DLG1: variants seen among roughly 807,000 people sequenced by gnomAD.
DLG1 encodes the protein discs large MAGUK scaffold protein 1.
In DLG1, 42 loss-of-function variants were observed where a neutral mutation model predicts 123.4. The ratio of observed to expected loss-of-function variants is 0.34; its 90% CI spans 0.27 to 0.44. DLG1 has a LOEUF of 0.44. Among genes scored for constraint, DLG1 ranks in the 20% least tolerant of loss-of-function variants. The probability of loss-of-function intolerance (pLI) is 1.00; values close to 1 mark genes in which losing one functional copy is unlikely to be tolerated. For synonymous variants in DLG1, 317 were observed against 356.2 expected (o/e 0.89, Z 1.24); for missense variants, 942 against 1,082.6 (o/e 0.87, Z 1.82).
chr3:197,086,957 C>T lies in DLG1; in HGVS notation c.1662-1201G>A, dbSNP rs185469225. Among the ~76,000 whole-genome samples, 6 of 152,148 alleles carry T rather than the reference C, an allele frequency of 3.9e-5. No homozygotes were observed. In the East Asian group the frequency reaches 9.6e-4, roughly 24 times the overall value. On this transcript the variant is annotated intron_variant, in intron 15 of 24. Transcript: ENST00000667157. ...GGAAATCACCCACAATCTCTACTTA[C>T]GTTAGCATTTTAACATTCTCTTTTA...
chr3:197,249,934 T>C (rs1309294820), intron 4 of DLG1, among the ~76,000 whole-genome samples: 1 of 152,150 alleles, frequency 6.6e-6, no homozygotes, highest in African/African-American at 2.4e-5. Flanking sequence ...GGGCCATATA[T>C]AATAAACCCA....
intron 5 of DLG1, among the ~76,000 whole-genome samples, chr3:197,152,102 T>C (rs542107597): frequency 1.8e-4 from 28 of 152,328 alleles, no homozygotes; most frequent in African/African-American, 6.5e-4. Flanking sequence ...TTTTCTTTTA[T>C]ATTACTTCTC....
chr3:197,114,789 T>C (rs1414976422), intron 13 of DLG1, among the ~76,000 whole-genome samples: 1 of 152,074 alleles, frequency 6.6e-6, no homozygotes, highest in Admixed American at 6.5e-5. Context: ...GAGACCATCC[T>C]GGTTAACAAG....
chr3:197,155,693 C>A (rs541790752), intron 5 of DLG1, among the ~76,000 whole-genome samples: 1 of 151,950 alleles, frequency 6.6e-6, no homozygotes, highest in Non-Finnish European at 1.5e-5. Context: ...CTTCAGGTGG[C>A]CGAGGCAGGC....
chr3:197,285,045 A>AAAAAAAAAAAC (rs1560155797), intron 3 of DLG1, among the ~76,000 whole-genome samples: 1 of 148,054 alleles, frequency 6.8e-6, no homozygotes, highest in Non-Finnish European at 1.5e-5. Context: ...AAAAAAAAAA[A>AAAAAAAAAAAC]AACTGGAAAT....
intron 24 of DLG1, among the ~76,000 whole-genome samples, chr3:197,050,396 A>C (rs200318550): frequency 1.3e-4 from 20 of 152,022 alleles, no homozygotes; most frequent in South Asian, 4.2e-4. Context: ...AAAAACCCCC[A>C]AAAAAACCCA....
At chr3:197,214,605 A>C (rs1268423938) in intron 4 of DLG1, among the ~76,000 whole-genome samples, 1 of 152,164 alleles carries the variant, frequency 6.6e-6, no homozygotes, top group Non-Finnish European at 1.5e-5. Context: ...GAAACAAAAA[A>C]GACTAATAAA....
At chr3:197,059,091 A>C (rs975745941) in intron 23 of DLG1, among the ~76,000 whole-genome samples, 1 of 151,992 alleles carries the variant, frequency 6.6e-6, no homozygotes, top group Admixed American at 6.6e-5. Flanking sequence ...ACGCCCGGCT[A>C]ATTTTCTGTA....
In DLG1 at chr3:197,154,194, TG is replaced by T. The variant is rs566529023; in HGVS notation, c.484-4399del. Among the ~76,000 whole-genome samples the T allele has an allele frequency of 4.2e-4, 63 of 150,210 alleles. 1 individual carries two copies. The South Asian group carries it at 1.0e-2, about 24-fold the overall frequency. On this transcript the variant is annotated intron_variant, in intron 5 of 24. Transcript: ENST00000667157. ...GCAGGTGCCTATAATCCCAGCTACT[TG>T]GAAGGCTGAGGCAGAAGAATCACTT... is the stretch of plus-strand genomic sequence containing the variant.
At chr3:197,152,419 C>CTTTTT (rs768327685) in intron 5 of DLG1, among the ~76,000 whole-genome samples, 58 of 94,688 alleles carry the variant, frequency 6.1e-4, no homozygotes, top group Non-Finnish European at 9.1e-4. Flanking sequence ...ATCCCAAAGT[C>CTTTTT]TTTTTTTTTT....
chr3:197,143,441 A>T (rs1046784970), intron 6 of DLG1, among the ~76,000 whole-genome samples: 17 of 152,006 alleles, frequency 1.1e-4, no homozygotes, highest in African/African-American at 3.9e-4. Context: ...TATTTTTAGT[A>T]GAGATGGGGT....
chr3:197,161,345 A>G (rs1319507036), intron 5 of DLG1, among the ~76,000 whole-genome samples: 1 of 152,224 alleles, frequency 6.6e-6, no homozygotes, highest in Non-Finnish European at 1.5e-5. Context: ...TTCTAAAGTA[A>G]AAATGTTTAA....
At chr3:197,119,169 C>T (rs1385673422) in intron 12 of DLG1, among the ~76,000 whole-genome samples, 1 of 152,038 alleles carries the variant, frequency 6.6e-6, no homozygotes. Context: ...GGACAATTTA[C>T]CAAGCCTCAA....
At chr3:197,075,121 C>CTTCA (rs1746329680) in intron 18 of DLG1, among the ~76,000 whole-genome samples, 2 of 151,820 alleles carry the variant, frequency 1.3e-5, no homozygotes, top group Non-Finnish European at 2.9e-5. Context: ...TGGCTTCTTG[C>CTTCA]TTCATTCATT....
intron 12 of DLG1, among the ~76,000 whole-genome samples, chr3:197,116,946 C>T (rs1003404673): frequency 6.6e-6 from 1 of 151,936 alleles, no homozygotes; most frequent in Non-Finnish European, 1.5e-5. Context: ...TTTACTGTTC[C>T]CATTATGCTT....
intron 5 of DLG1, among the ~76,000 whole-genome samples, chr3:197,153,890 G>A (rs896390295): frequency 2.6e-5 from 4 of 152,028 alleles, no homozygotes; most frequent in Admixed American, 6.6e-5. Context: ...GAAAACCCTG[G>A]AGAAGAAGGA....
intron 9 of DLG1, 97 bp from the exon 10 acceptor site, chr3:197,136,775 A>G (rs1785230673): frequency 2.9e-6 from 3 of 1,039,858 alleles, no homozygotes; most frequent in South Asian, 1.8e-5. Context: ...CCCTCACACT[A>G]ATATTTTTTA....
intron 10 of DLG1, among the ~76,000 whole-genome samples, chr3:197,131,429 T>TCA (rs762747245): frequency 2.0e-5 from 3 of 152,084 alleles, no homozygotes; most frequent in Admixed American, 6.6e-5. Context: ...TTTTGGCCAT[T>TCA]CACCTATCTT....
intron 4 of DLG1, among the ~76,000 whole-genome samples, chr3:197,226,640 A>G (rs545875526): frequency 6.6e-6 from 1 of 152,374 alleles, no homozygotes; most frequent in East Asian, 1.9e-4. Flanking sequence ...AAAGTTAAGT[A>G]GAATAATTAC....
Sources: gnomAD v4.1 joint callset for allele counts (sites outside exome capture counted in the v4.1 genomes callset) on GRCh38, gnomAD v4.1.1 for gene constraint, MANE v1.5 for transcripts, NCBI Gene and HGNC (gene_info 2026-07-23, HGNC 2026-07-21) for gene names.